MAPK10: variants seen among roughly 807,000 people sequenced by gnomAD.
MAPK10 encodes the protein mitogen-activated protein kinase 10, also known as JNK3 alpha protein kinase.
Under a neutral mutation model 59.3 loss-of-function variants are expected in MAPK10, and 25 were observed. The observed-to-expected ratio is 0.42, with a 90% CI of 0.31 to 0.59. The LOEUF (loss-of-function observed/expected upper bound fraction) is 0.59. MAPK10 is among the 20% of genes least tolerant of loss of function. The pLI is 0.15. For missense variants in MAPK10, 351 were observed against 568.9 expected, an observed-to-expected ratio of 0.62 and a Z score of 3.90; for synonymous variants, 190 against 200.5, an observed-to-expected ratio of 0.95 and a Z score of 0.44.
At chr4:86,355,019 A>C (rs959713181) in intron 1 of MAPK10, among the ~76,000 whole-genome samples, 1 of 152,174 alleles carries the variant, frequency 6.6e-6, no homozygotes, top group African/African-American at 2.4e-5. Flanking sequence ...TTTCATTGGA[A>C]CAATGGTTAC....
At chr4:86,054,377 A>C (rs1374727814) in intron 11 of MAPK10, among the ~76,000 whole-genome samples, 1 of 152,192 alleles carries the variant, frequency 6.6e-6, no homozygotes, top group Non-Finnish European at 1.5e-5. Context: ...CATCAAAACA[A>C]TCCGAAGGCA....
intron 3 of MAPK10, among the ~76,000 whole-genome samples, chr4:86,166,292 C>T (rs2071698154): frequency 6.6e-6 from 1 of 152,184 alleles, no homozygotes; most frequent in African/African-American, 2.4e-5. Flanking sequence ...AGCCCTTGGG[C>T]AAGTTCTTTA....
At chr4:86,452,728 TG>T (rs1750867943) in intron 1 of MAPK10, among the ~76,000 whole-genome samples, 2 of 152,120 alleles carry the variant, frequency 1.3e-5, no homozygotes, top group Admixed American at 1.3e-4. Context: ...AAAAGCTAGT[TG>T]CAAAGGAGAG....
chr4:86,478,545 A>T (rs1259709054), intron 1 of MAPK10, among the ~76,000 whole-genome samples: 1 of 151,994 alleles, frequency 6.6e-6, no homozygotes, highest in Admixed American at 6.6e-5. Flanking sequence ...TTTCTTCCTC[A>T]CACCTGACAC....
At chr4:86,019,622 T>C (rs1192260758) in intron 13 of MAPK10, among the ~76,000 whole-genome samples, 1 of 152,196 alleles carries the variant, frequency 6.6e-6, no homozygotes, top group Non-Finnish European at 1.5e-5. Flanking sequence ...CGATTCTGGA[T>C]TAAATTATAC....
intron 2 of MAPK10, among the ~76,000 whole-genome samples, chr4:86,295,455 T>C (rs2095336311): frequency 6.6e-6 from 1 of 152,136 alleles, no homozygotes; most frequent in Non-Finnish European, 1.5e-5. Context: ...ATGTAATTTT[T>C]TTGTCAGCGT....
At chr4:86,118,149 T>C (rs780580911) in intron 4 of MAPK10, among the ~76,000 whole-genome samples, 44 of 152,334 alleles carry the variant, frequency 2.9e-4, no homozygotes, top group Admixed American at 1.8e-3. Flanking sequence ...TTTCCCATTT[T>C]CTGTAATTCC....
At chr4:86,546,506 G>A (rs187204518) in intron 1 of MAPK10, among the ~76,000 whole-genome samples, 78 of 150,038 alleles carry the variant, frequency 5.2e-4, no homozygotes, top group African/African-American at 1.7e-3. Context: ...GCAGTGAGAC[G>A]AGATCGCGCT....
At chr4:86,506,844 G>C (rs1755775696) in intron 1 of MAPK10, among the ~76,000 whole-genome samples, 1 of 152,136 alleles carries the variant, frequency 6.6e-6, no homozygotes, top group Admixed American at 6.6e-5. Context: ...AGAGGAGAAA[G>C]CTGTCAGGGA....
At chr4:86,409,751 T>G (rs138418836) in intron 1 of MAPK10, among the ~76,000 whole-genome samples, 26,995 of 152,160 alleles carry the variant, frequency 0.18, 2,522 homozygotes, top group South Asian at 0.28. Context: ...ACATTGATTT[T>G]GTATGCTGAG....
intron 1 of MAPK10, among the ~76,000 whole-genome samples, chr4:86,508,407 C>T (rs1755964796): frequency 6.6e-6 from 1 of 152,136 alleles, no homozygotes; most frequent in African/African-American, 2.4e-5. Context: ...ACCTTGCATC[C>T]CTCCTGGGAC....
At chr4:86,463,247 A>T (rs1432080546) in intron 1 of MAPK10, among the ~76,000 whole-genome samples, 1 of 152,344 alleles carries the variant, frequency 6.6e-6, no homozygotes, top group East Asian at 1.9e-4. Context: ...ATAGTCATGG[A>T]TGTAAAAGAT....
intron 1 of MAPK10, among the ~76,000 whole-genome samples, chr4:86,462,747 A>G (rs1234918160): frequency 2.6e-5 from 4 of 152,142 alleles, no homozygotes; most frequent in Admixed American, 6.5e-5. Context: ...TTATTACAAC[A>G]ATGGGGAGCA....
At chr4:86,171,236 G>T (rs2074022035) in intron 3 of MAPK10, among the ~76,000 whole-genome samples, 1 of 151,928 alleles carries the variant, frequency 6.6e-6, no homozygotes, top group Admixed American at 6.6e-5. Flanking sequence ...GAGCAGAACT[G>T]AAGGAAATAG....
intron 2 of MAPK10, among the ~76,000 whole-genome samples, chr4:86,309,566 T>C (rs1191761489): frequency 6.6e-6 from 1 of 152,182 alleles, no homozygotes; most frequent in Non-Finnish European, 1.5e-5. Context: ...TTTCCATTTC[T>C]GGCTATAACC....
At chr4:86,087,813 A>G (rs2052226009) in intron 9 of MAPK10, among the ~76,000 whole-genome samples, 1 of 152,094 alleles carries the variant, frequency 6.6e-6, no homozygotes, top group Non-Finnish European at 1.5e-5. Context: ...TATATGTAAA[A>G]CCAGATACAA....
intron 2 of MAPK10, among the ~76,000 whole-genome samples, chr4:86,263,259 C>A (rs1472923898): frequency 3.3e-5 from 5 of 152,134 alleles, no homozygotes; most frequent in Admixed American, 1.3e-4. Flanking sequence ...CTGAAATTGC[C>A]AAATGTAAGC....
chr4:86,082,697 A>G (rs1450076790), intron 9 of MAPK10, among the ~76,000 whole-genome samples: 1 of 152,190 alleles, frequency 6.6e-6, no homozygotes, highest in Non-Finnish European at 1.5e-5. Flanking sequence ...ACTTATCTAG[A>G]TAAGTTGGTT....
intron 11 of MAPK10, among the ~76,000 whole-genome samples, chr4:86,037,519 A>G (rs1044228169): frequency 7.9e-6 from 1 of 126,460 alleles, no homozygotes; most frequent in Non-Finnish European, 1.7e-5. Context: ...GACTCCGTCT[A>G]AAAAAAAAAA....
Sources: gnomAD v4.1 joint callset for allele counts (sites outside exome capture counted in the v4.1 genomes callset) on GRCh38, gnomAD v4.1.1 for gene constraint, MANE v1.5 for transcripts, NCBI Gene and HGNC (gene_info 2026-07-23, HGNC 2026-07-21) for gene names.